The following PPP3CC variants were observed in gnomAD, a reference collection of about 807,000 sequenced individuals.
The protein encoded by PPP3CC is protein phosphatase 3 catalytic subunit gamma.
Under a neutral mutation model 60.3 loss-of-function variants are expected in PPP3CC, and 35 were observed. The ratio of observed to expected loss-of-function variants is 0.58; its 90% confidence interval spans 0.44 to 0.77. PPP3CC has a LOEUF of 0.77. PPP3CC is among the 30% of genes least tolerant of loss of function. The pLI, the probability that PPP3CC is intolerant of heterozygous loss-of-function variation, is 0.00. For synonymous variants in PPP3CC, 206 were observed against 224.3 expected (o/e 0.92, Z 0.73); for missense variants, 570 against 628.9 (o/e 0.91, Z 1.00).
At chr8:22,447,081 C>T (rs1052640385) in intron 1 of PPP3CC, among the ~76,000 whole-genome samples, 7 of 151,722 alleles carry the variant, frequency 4.6e-5, no homozygotes, top group African/African-American at 1.5e-4. Context: ...GATCATGGCT[C>T]GCTGCAGCTT....
At chr8:22,459,335 T>A (rs1321949562) in intron 1 of PPP3CC, among the ~76,000 whole-genome samples, 5 of 152,350 alleles carry the variant, frequency 3.3e-5, no homozygotes, top group South Asian at 2.1e-4. Flanking sequence ...GTGTGAAATA[T>A]GTGTTATAAT....
chr8:22,492,634 G>T, intron 3 of PPP3CC: 1 of 633,584 alleles, frequency 1.6e-6, no homozygotes, highest in Non-Finnish European at 2.9e-6. Context: ...AAACAGTTAT[G>T]AGCCAGGAAA....
chr8:22,458,708 A>G (rs1313515048), intron 1 of PPP3CC, among the ~76,000 whole-genome samples: 1 of 152,028 alleles, frequency 6.6e-6, no homozygotes, highest in Non-Finnish European at 1.5e-5. Context: ...AGAAACTTAG[A>G]TATATTTAGT....
intron 8 of PPP3CC, among the ~76,000 whole-genome samples, chr8:22,525,587 G>C (rs148496299): frequency 9.7e-6 from 1 of 103,346 alleles, no homozygotes; most frequent in South Asian, 3.2e-4. Context: ...TCTTTCTCTC[G>C]GTCTCTGTCA....
intron 1 of PPP3CC, among the ~76,000 whole-genome samples, chr8:22,458,468 C>T (rs188924955): frequency 4.7e-4 from 71 of 151,756 alleles, no homozygotes; most frequent in African/African-American, 1.6e-3. Context: ...CGTGGTGGTT[C>T]TCAACTGTAA....
chr8:22,464,579 G>A (rs183590081), intron 1 of PPP3CC, among the ~76,000 whole-genome samples: 11 of 151,792 alleles, frequency 7.2e-5, no homozygotes, highest in African/African-American at 1.9e-4. Context: ...ACAGAGTTTC[G>A]CCATGTTGCG....
At chr8:22,504,183 T>C (rs1838844338) in intron 4 of PPP3CC, among the ~76,000 whole-genome samples, 1 of 152,210 alleles carries the variant, frequency 6.6e-6, no homozygotes, top group Non-Finnish European at 1.5e-5. Flanking sequence ...GTTGTACGTA[T>C]TTTTGAGGTA....
At chr8:22,523,750 A>G (rs1000179488) in intron 8 of PPP3CC, 5 of 441,286 alleles carry the variant, frequency 1.1e-5, no homozygotes, top group Non-Finnish European at 1.8e-5. Flanking sequence ...CAAGACTGAT[A>G]AATAAGGTGA....
intron 3 of PPP3CC, among the ~76,000 whole-genome samples, chr8:22,476,527 C>G (rs572475355): frequency 1.3e-5 from 2 of 152,300 alleles, no homozygotes; most frequent in East Asian, 3.9e-4. Flanking sequence ...AGCTCTCTCA[C>G]CTGATGCCCA....
At chr8:22,495,745 G>A (rs1194800821) in intron 3 of PPP3CC, among the ~76,000 whole-genome samples, 1 of 152,070 alleles carries the variant, frequency 6.6e-6, no homozygotes, top group Non-Finnish European at 1.5e-5. Flanking sequence ...TTTTAGTAGA[G>A]AAGAGGTTTT....
chr8:22,525,491 CTTCTTTCTTTCTTTCT>C lies in PPP3CC; in HGVS notation c.944-1868_944-1853del, dbSNP rs199717558. ...TTTCTTTTTCTTTCTGCTTCCTTTT[CTTCTTTCTTTCTTTCT>C]TTCTTTCTTTCTTTCTTTCTTTCTT... On this transcript the variant is annotated intron_variant, in intron 8 of 13. Transcript: ENST00000240139. 6.0e-4 allele frequency among the ~76,000 whole-genome samples: 77 copies of C among 128,658 alleles called. No individual in the cohort carries two copies. In the South Asian group the frequency reaches 9.3e-3, roughly 15 times the overall value. 84.4% of individuals were successfully genotyped at this position (128,658 alleles called of 152,430 possible).
At chr8:22,456,909 A>G (rs867069097) in intron 1 of PPP3CC, among the ~76,000 whole-genome samples, 1 of 152,154 alleles carries the variant, frequency 6.6e-6, no homozygotes, top group African/African-American at 2.4e-5. Flanking sequence ...ACACATGGTA[A>G]AAAGCTAGAT....
chr8:22,453,871 C>G (rs2132435293), intron 1 of PPP3CC, among the ~76,000 whole-genome samples: 1 of 152,156 alleles, frequency 6.6e-6, no homozygotes, highest in East Asian at 1.9e-4. Context: ...AAAAAATGGT[C>G]CACCTGTGGA....
chr8:22,499,218 T>TCATGAGGTCAGGAGATCGAGAC (rs1365394154), intron 4 of PPP3CC, among the ~76,000 whole-genome samples: 6 of 150,618 alleles, frequency 4.0e-5, no homozygotes, highest in Non-Finnish European at 8.9e-5. Context: ...GGCGGGTGGA[T>TCATGAGGTCAGGAGATCGAGAC]CATGAGGTCA....
intron 3 of PPP3CC, 59 bp downstream of exon 3, chr8:22,475,683 C>G: frequency 6.9e-7 from 1 of 1,453,970 alleles, no homozygotes; most frequent in Non-Finnish European, 9.3e-7. Flanking sequence ...AAGATGATTT[C>G]CATTCTTCAG....
intron 1 of PPP3CC, among the ~76,000 whole-genome samples, chr8:22,459,521 A>G (rs1404491131): frequency 6.6e-6 from 1 of 152,000 alleles, no homozygotes; most frequent in Non-Finnish European, 1.5e-5. Context: ...ATTGTGTAAA[A>G]TACTTTCATT....
intron 1 of PPP3CC, among the ~76,000 whole-genome samples, chr8:22,458,804 A>T (rs1294103578): frequency 6.6e-6 from 1 of 152,060 alleles, no homozygotes; most frequent in Admixed American, 6.6e-5. Flanking sequence ...TTGAATTGTA[A>T]ATCTCCCCAA....
intron 1 of PPP3CC, among the ~76,000 whole-genome samples, 184 bp from the exon 2 acceptor site, chr8:22,474,769 CT>C (rs1348497895): frequency 6.6e-6 from 1 of 151,982 alleles, no homozygotes; most frequent in Non-Finnish European, 1.5e-5. Flanking sequence ...TGACTGTCAC[CT>C]TTTTATACTT....
intron 12 of PPP3CC, among the ~76,000 whole-genome samples, chr8:22,535,235 T>C (rs1387005614): frequency 6.6e-6 from 1 of 152,178 alleles, no homozygotes; most frequent in South Asian, 2.1e-4. Flanking sequence ...AGAGTACCAA[T>C]TCTGAAATTT....
Sources: allele counts gnomAD v4.1 joint callset (sites outside exome capture counted in the v4.1 genomes callset), GRCh38; gene constraint gnomAD v4.1.1; transcripts MANE v1.5; gene names NCBI Gene and HGNC (gene_info 2026-07-23, HGNC 2026-07-21).